The following SORCS3 variants were observed in gnomAD, a reference collection of about 807,000 sequenced individuals.
SORCS3 encodes sortilin related VPS10 domain containing receptor 3.
A neutral mutation model predicts 146.3 loss-of-function variants in SORCS3; 57 were observed. The ratio of observed to expected loss-of-function variants is 0.39; its 90% CI spans 0.31 to 0.49. SORCS3 has a LOEUF of 0.49. Ranked by LOEUF, SORCS3 falls within the 20% of genes least tolerant of loss-of-function variation. The pLI, the probability that SORCS3 is intolerant of heterozygous loss-of-function variation, is 0.92. For synonymous variants in SORCS3, 653 were observed against 618.5 expected, an observed-to-expected ratio of 1.06 and a Z score of -0.83; for missense variants, 1,341 against 1,575.5, an observed-to-expected ratio of 0.85 and a Z score of 2.52.
intron 2 of SORCS3, among the ~76,000 whole-genome samples, chr10:104,891,103 G>C (rs1325382114): frequency 6.6e-6 from 1 of 152,184 alleles, no homozygotes; most frequent in Non-Finnish European, 1.5e-5. Context: ...TCTTACACGT[G>C]TTTTGTTTAG....
intron 1 of SORCS3, among the ~76,000 whole-genome samples, chr10:104,782,722 G>A (rs555628326): frequency 1.3e-5 from 2 of 152,290 alleles, no homozygotes; most frequent in Non-Finnish European, 2.9e-5. Flanking sequence ...CTCCCTTACT[G>A]ATAAACTATG....
In SORCS3 at chr10:105,252,871, G is replaced by C; in HGVS notation, c.3202G>C (p.Glu1068Gln). The C allele has an allele frequency of 6.2e-7, 1 of 1,613,930 alleles. No individual in the cohort carries two copies. Among genetic ancestry groups the C allele is most frequent in the Non-Finnish European group, 8.5e-7 (1 of 1,179,926 alleles). The stretch of plus-strand genomic sequence containing the variant: ...CATTCTTCCACCCAAGAACCTGACA[G>C]AGAGGAGGAAAGGCAATGAAGGGGA... ...LFILPPKNLTERRKGNEGDLE... is the reference protein window; with the variant it reads ...LFILPPKNLTQRRKGNEGDLE... Residue 1068 changes from glutamate (E) to glutamine (Q), a missense_variant, in exon 23 of 27, where the codon GAG becomes CAG. Glu to Gln is a conservative substitution (Grantham distance 29). Coordinates refer to ENST00000369701, the MANE Select transcript of SORCS3 (RefSeq NM_014978.3).
intron 6 of SORCS3, among the ~76,000 whole-genome samples, chr10:105,101,579 A>G (rs1424096855): frequency 2.6e-5 from 4 of 152,226 alleles, no homozygotes; most frequent in Non-Finnish European, 1.5e-5. Context: ...AGTGGCAAGT[A>G]GAGAGCGAGC....
At chr10:105,077,057 G>A (rs2055593365) in intron 5 of SORCS3, among the ~76,000 whole-genome samples, 5 of 152,190 alleles carry the variant, frequency 3.3e-5, no homozygotes. Context: ...AATATTTCAT[G>A]TGGCTGCTGC....
intron 2 of SORCS3, among the ~76,000 whole-genome samples, chr10:104,905,048 C>T (rs561923945): frequency 6.6e-6 from 1 of 152,266 alleles, no homozygotes; most frequent in Non-Finnish European, 1.5e-5. Context: ...CCTGCTTAGC[C>T]ATTCAAAAGA....
At chr10:105,085,458 T>G (rs2055654116) in intron 5 of SORCS3, among the ~76,000 whole-genome samples, 1 of 152,198 alleles carries the variant, frequency 6.6e-6, no homozygotes, top group African/African-American at 2.4e-5. Context: ...AGTACAAATC[T>G]CTTACCCCTA....
rs756756194 is a variant in SORCS3, at chr10:105,158,966, G to A, written c.1704G>A (p.Glu568=). The A allele has an allele frequency of 2.5e-6, 4 of 1,612,888 alleles. No homozygotes were observed. The highest frequency in any genetic ancestry group is 1.7e-4 in the Middle Eastern group (1 of 5,996). ...PYSSGRISSK[E]TAPGLVVATG... is the part of the protein sequence containing the mutation. ...CCTCAGGAAGAATCTCTAGCAAGGAGACAGCCCCAGGACTTGTGGTGGCTA... is the reference window on the plus strand; with the variant it reads ...CCTCAGGAAGAATCTCTAGCAAGGAAACAGCCCCAGGACTTGTGGTGGCTA... The change falls in exon 11 of 27, where the codon GAG becomes GAA. Residue 568 remains glutamate (E), a synonymous_variant. Transcript: ENST00000369701.
intron 2 of SORCS3, among the ~76,000 whole-genome samples, chr10:104,899,378 G>C (rs957237388): frequency 1.3e-5 from 2 of 152,182 alleles, no homozygotes; most frequent in African/African-American, 2.4e-5. Context: ...ATCGCAGGTA[G>C]GCTCCATCCA....
chr10:105,227,751 TATG>T (rs745671290), intron 20 of SORCS3, among the ~76,000 whole-genome samples: 4 of 152,096 alleles, frequency 2.6e-5, no homozygotes, highest in Non-Finnish European at 4.4e-5. Context: ...TGTTTAGAAT[TATG>T]ATATCTTCTT....
intron 1 of SORCS3, among the ~76,000 whole-genome samples, chr10:104,646,519 G>A (rs1292727262): frequency 6.6e-6 from 1 of 152,190 alleles, no homozygotes; most frequent in African/African-American, 2.4e-5. Flanking sequence ...ATCTCATAAG[G>A]AGCAGAGAGG....
intron 3 of SORCS3, among the ~76,000 whole-genome samples, chr10:104,961,925 T>C (rs937550306): frequency 6.6e-6 from 1 of 152,144 alleles, no homozygotes; most frequent in East Asian, 1.9e-4. Flanking sequence ...CCAGAGAACA[T>C]TGTTTAACCA....
intron 1 of SORCS3, among the ~76,000 whole-genome samples, chr10:104,726,719 A>C (rs977508493): frequency 6.6e-6 from 1 of 151,994 alleles, no homozygotes; most frequent in Non-Finnish European, 1.5e-5. Flanking sequence ...GGCATCTGCA[A>C]TCTGGTTCCT....
chr10:104,730,518 CTT>C (rs1454776651), intron 1 of SORCS3, among the ~76,000 whole-genome samples: 3 of 152,234 alleles, frequency 2.0e-5, no homozygotes, highest in African/African-American at 7.2e-5. Flanking sequence ...TAGGACATCT[CTT>C]TTCATTCCCT....
chr10:105,193,069 GTCTTTTA>G (rs1168536319), intron 14 of SORCS3, among the ~76,000 whole-genome samples: 1 of 152,018 alleles, frequency 6.6e-6, no homozygotes, highest in Non-Finnish European at 1.5e-5. Flanking sequence ...TTCTAATGAG[GTCTTTTA>G]TTTTTGTGAA....
chr10:105,044,432 G>T (rs2055356213), intron 5 of SORCS3, among the ~76,000 whole-genome samples: 2 of 152,036 alleles, frequency 1.3e-5, no homozygotes, highest in Admixed American at 6.6e-5. Flanking sequence ...GTTAGAAGTT[G>T]TACTCATTCC....
At chr10:104,664,574 T>C (rs1347906065) in intron 1 of SORCS3, 3 of 152,232 alleles carry the variant, frequency 2.0e-5, no homozygotes, top group Non-Finnish European at 4.4e-5. Flanking sequence ...AAGGGGCCCT[T>C]GTCCATAAAA....
At chr10:104,901,215 A>G (rs1319576785) in intron 2 of SORCS3, among the ~76,000 whole-genome samples, 3 of 152,196 alleles carry the variant, frequency 2.0e-5, no homozygotes, top group East Asian at 3.9e-4. Context: ...CTTCATGTGC[A>G]TTGCCTGCTT....
At position 104,915,818 on chromosome 10, in the gene SORCS3, C is replaced by T. The variant is rs769163264; in HGVS notation, c.696-15C>T. The T allele has an allele frequency of 1.9e-5, 31 of 1,611,904 alleles. No homozygotes were observed. The highest frequency in any genetic ancestry group is 2.6e-5 in the Non-Finnish European group (31 of 1,178,130). ...AAAATGATCTCTCCCTCTCTGTTTT[C>T]TCTTTTACCTGCAGGTCGACAGATT... On this transcript the variant is annotated splice_polypyrimidine_tract_variant and intron_variant, in intron 2 of 26. Coordinates refer to ENST00000369701, the MANE Select transcript of SORCS3 (RefSeq NM_014978.3).
chr10:104,868,846 A>G (rs1395285320), intron 2 of SORCS3, among the ~76,000 whole-genome samples: 1 of 152,220 alleles, frequency 6.6e-6, no homozygotes, highest in Non-Finnish European at 1.5e-5. Flanking sequence ...TGAAAATATC[A>G]TATACCCAGT....
Sources: allele counts gnomAD v4.1 joint callset (sites outside exome capture counted in the v4.1 genomes callset), GRCh38; gene constraint gnomAD v4.1.1; transcripts MANE v1.5; gene names NCBI Gene and HGNC (gene_info 2026-07-23, HGNC 2026-07-21).